The following PRKN variants were observed in gnomAD, a reference collection of about 807,000 sequenced individuals.
The protein encoded by PRKN is E3 ubiquitin-protein ligase parkin.
PRKN carries 56 observed loss-of-function variants against 59.5 expected under a neutral mutation model. The ratio of observed to expected loss-of-function variants is 0.94; its 90% CI spans 0.76 to 1.18. The LOEUF is 1.18. PRKN is among the 50% of genes most tolerant of loss of function. The pLI, the probability that PRKN is intolerant of heterozygous loss-of-function variation, is 0.00. For missense variants in PRKN, 657 were observed against 596.4 expected (o/e 1.10, Z -1.06); for synonymous variants, 250 against 222.1 (o/e 1.13, Z -1.12).
intron 6 of PRKN, among the ~76,000 whole-genome samples, chr6:161,953,130 T>C (rs1231997421): frequency 6.6e-6 from 1 of 152,106 alleles, no homozygotes; most frequent in Non-Finnish European, 1.5e-5. Flanking sequence ...TTTATTTATT[T>C]AGATGGAGTC....
intron 4 of PRKN, among the ~76,000 whole-genome samples, chr6:162,136,047 T>C (rs113355947): frequency 6.6e-6 from 1 of 151,434 alleles, no homozygotes; most frequent in African/African-American, 2.4e-5. Flanking sequence ...ACATATATTT[T>C]AGGAAAGAAA....
chr6:161,374,780 C>T (rs1026269326), intron 10 of PRKN, among the ~76,000 whole-genome samples: 1 of 103,768 alleles, frequency 9.6e-6, no homozygotes, highest in Non-Finnish European at 2.1e-5. Flanking sequence ...CAATAAGTTT[C>T]TATAAAAATA....
intron 6 of PRKN, among the ~76,000 whole-genome samples, chr6:161,969,599 G>T (rs1780723811): frequency 6.6e-6 from 1 of 152,104 alleles, no homozygotes; most frequent in Non-Finnish European, 1.5e-5. Flanking sequence ...ATCATGGCTG[G>T]AACTCAGCTT....
intron 9 of PRKN, among the ~76,000 whole-genome samples, chr6:161,421,295 CT>C (rs1395744301): frequency 6.6e-6 from 1 of 152,132 alleles, no homozygotes; most frequent in African/African-American, 2.4e-5. Context: ...TCTCAGGTGA[CT>C]TTGAATGGCA....
chr6:162,007,724 A>C (rs1462167337), intron 5 of PRKN, among the ~76,000 whole-genome samples: 3 of 152,168 alleles, frequency 2.0e-5, no homozygotes, highest in Non-Finnish European at 4.4e-5. Context: ...AAAATAAGGA[A>C]AACGGCTTAG....
At chr6:162,154,139 A>G (rs1224451326) in intron 4 of PRKN, among the ~76,000 whole-genome samples, 2 of 152,100 alleles carry the variant, frequency 1.3e-5, no homozygotes, top group Non-Finnish European at 2.9e-5. Flanking sequence ...CAGGTCGAGG[A>G]ACTAGCCTCT....
intron 5 of PRKN, among the ~76,000 whole-genome samples, chr6:162,038,732 T>A (rs1783943115): frequency 6.6e-6 from 1 of 152,182 alleles, no homozygotes; most frequent in Non-Finnish European, 1.5e-5. Context: ...CTTAGAAACC[T>A]AAGAGACCAG....
In PRKN at chr6:161,402,512, A is replaced by G. The variant is rs1787094458; in HGVS notation, c.1084-15635T>C. 6.6e-6 allele frequency among the ~76,000 whole-genome samples: 1 copy of G among 152,142 alleles called. No homozygotes were observed. Among genetic ancestry groups the G allele is most frequent in the Non-Finnish European group, 1.5e-5 (1 of 68,014 alleles). ...TTTTTGGTCCCATAACATGAGAGACATTCTGGAAGCTGTGGGGGAGCAAAA... is the reference window on the plus strand; with the variant it reads ...TTTTTGGTCCCATAACATGAGAGACGTTCTGGAAGCTGTGGGGGAGCAAAA... On this transcript the variant is annotated intron_variant, in intron 9 of 11. Coordinates refer to ENST00000366898, the MANE Select transcript of PRKN (RefSeq NM_004562.3). The surrounding 1 kb of genome is among the most constrained non-coding windows in gnomAD (Gnocchi z 4.5).
At chr6:161,962,040 T>C (rs1328512375) in intron 6 of PRKN, among the ~76,000 whole-genome samples, 1 of 152,158 alleles carries the variant, frequency 6.6e-6, no homozygotes, top group East Asian at 1.9e-4. Flanking sequence ...AGGAACAGAA[T>C]GAACACACCA....
chr6:161,646,104 C>T (rs35940884), intron 7 of PRKN, among the ~76,000 whole-genome samples: 1,758 of 53,512 alleles, frequency 0.033, 132 homozygotes, highest in South Asian at 0.079. Context: ...GCGGAGGAGG[C>T]GGCGTATCAG....
chr6:162,359,470 T>G (rs1785039335), intron 2 of PRKN, among the ~76,000 whole-genome samples: 1 of 152,074 alleles, frequency 6.6e-6, no homozygotes. Context: ...TAACCAATAA[T>G]CTTTTTTACT....
chr6:162,677,769 C>T lies in PRKN; in HGVS notation c.7+49893G>A, dbSNP rs558579638. On this transcript the variant is annotated intron_variant, in intron 1 of 11. Transcript: ENST00000366898. ...CTTGCAAATTTTCTTTGAAAAAGCGCTTACCTAGGCAAAGGACAACGTATT... is the reference window on the plus strand; with the variant it reads ...CTTGCAAATTTTCTTTGAAAAAGCGTTTACCTAGGCAAAGGACAACGTATT... 2.0e-5 allele frequency among the ~76,000 whole-genome samples: 3 copies of T among 152,288 alleles called. No individual in the cohort carries two copies. In the South Asian group the frequency reaches 6.2e-4, roughly 32 times the overall value.
At chr6:161,531,972 T>G (rs1779228985) in intron 9 of PRKN, among the ~76,000 whole-genome samples, 1 of 152,044 alleles carries the variant, frequency 6.6e-6, no homozygotes, top group African/African-American at 2.4e-5. Context: ...TACAAGGAAA[T>G]TAGATAGATG....
chr6:162,450,364 G>GCCCCTATGATTGTAACA (rs1790547811), intron 1 of PRKN, among the ~76,000 whole-genome samples: 1 of 134,544 alleles, frequency 7.4e-6, no homozygotes, highest in African/African-American at 2.7e-5. Flanking sequence ...GAATGTAAAC[G>GCCCCTATGATTGTAACA]CCCCTGTGAT....
At chr6:162,096,140 T>C (rs917911121) in intron 4 of PRKN, among the ~76,000 whole-genome samples, 6 of 150,292 alleles carry the variant, frequency 4.0e-5, no homozygotes, top group African/African-American at 9.8e-5. Context: ...ATGTGTAGAT[T>C]GTAAGATTGG....
rs1216686268 is a variant in PRKN at position 161,458,847 on chromosome 6, A to C, written c.1084-71970T>G. ...GTAAATTTTTAGGAAAGTGAAGAGC[A>C]TATGGTCACTATGACTTGCTAGTAT... is the stretch of plus-strand genomic sequence containing the variant. On this transcript the variant is annotated intron_variant, in intron 9 of 11. Coordinates refer to ENST00000366898, the MANE Select transcript of PRKN (RefSeq NM_004562.3). This position sits in a 1 kb window ranked among gnomAD's most constrained non-coding sequence, Gnocchi z 6.1. Among the ~76,000 whole-genome samples, 1 of 152,186 alleles carries C rather than the reference A, an allele frequency of 6.6e-6. No individual in the cohort carries two copies. The highest frequency in any genetic ancestry group is 6.5e-5 in the Admixed American group (1 of 15,278).
At chr6:161,838,274 T>C (rs1035458062) in intron 6 of PRKN, among the ~76,000 whole-genome samples, 1 of 152,240 alleles carries the variant, frequency 6.6e-6, no homozygotes, top group African/African-American at 2.4e-5. Context: ...AACCTTATTT[T>C]AGATTCTTCT....
At chr6:162,364,887 C>T (rs10806756) in intron 2 of PRKN, among the ~76,000 whole-genome samples, 40,966 of 151,750 alleles carry the variant, frequency 0.27, 5,690 homozygotes, top group East Asian at 0.29. Context: ...AATACTTATA[C>T]GCCATAGGTA....
At chr6:162,493,923 G>A (rs1472115131) in intron 1 of PRKN, among the ~76,000 whole-genome samples, 9 of 152,276 alleles carry the variant, frequency 5.9e-5, no homozygotes, top group Non-Finnish European at 4.4e-5. Context: ...GTGAGATGAG[G>A]GAGAAAACTC....
Sources: allele counts gnomAD v4.1 joint callset (sites outside exome capture counted in the v4.1 genomes callset), GRCh38; gene constraint gnomAD v4.1.1; non-coding constraint Gnocchi (gnomAD v3.1); transcripts MANE v1.5; gene names NCBI Gene and HGNC (gene_info 2026-07-23, HGNC 2026-07-21).